The following MGAT1 variants were observed in gnomAD, a reference collection of about 807,000 sequenced individuals.
The protein encoded by MGAT1 is alpha-1,3-mannosyl-glycoprotein 2-beta-N-acetylglucosaminyltransferase, also known as N-glycosyl-oligosaccharide-glycoprotein N-acetylglucosaminyltransferase I.
A neutral mutation model predicts 31.7 loss-of-function variants in MGAT1; 14 were observed. That is an observed-to-expected ratio of 0.44 (90% CI 0.29 to 0.69). The LOEUF (loss-of-function observed/expected upper bound fraction) is 0.69, where lower values mean the gene tolerates loss of function less well. Among genes scored for constraint, MGAT1 ranks in the 30% least tolerant of loss-of-function variants. MGAT1 has a pLI of 0.12. For missense variants in MGAT1, 557 were observed against 626.0 expected (o/e 0.89, Z 1.18); for synonymous variants, 338 against 276.0 (o/e 1.22, Z -2.23).
intron 1 of MGAT1, chr5:180,795,302 C>CACAT (rs917298180): frequency 2.2e-4 from 33 of 148,612 alleles, no homozygotes; most frequent in Non-Finnish European, 3.4e-4. Context: ...TATATATACA[C>CACAT]ACACACACAT....
In MGAT1 at chr5:180,794,411, T is replaced by TTTTATATA. The variant is rs528893463; in HGVS notation, c.-126-1315_-126-1314insTATATAAA. Among the ~76,000 whole-genome samples, 19 of 142,016 alleles carry TTTTATATA rather than the reference T, an allele frequency of 1.3e-4. 1 individual carries two copies. The highest frequency in any genetic ancestry group is 4.8e-4 in the African/African-American group (17 of 35,506). 93.2% of individuals were successfully genotyped at this position (142,016 alleles called of 152,430 possible). A position where few individuals can be genotyped will look rare whatever the true frequency, so the allele number is the denominator to read the frequency against. On this transcript the variant is annotated intron_variant, in intron 1 of 1. Coordinates refer to ENST00000307826, the MANE Select transcript of MGAT1 (RefSeq NM_002406.4). The stretch of plus-strand genomic sequence containing the variant: ...TCTGTCTCAAAAAAATTTTTTTTTA[T>TTTTATATA]TATATATATATATATATGGCATACT...
chr5:180,805,103 G>T (rs1771656441), upstream of MGAT1, among the ~76,000 whole-genome samples: 1 of 152,160 alleles, frequency 6.6e-6, no homozygotes, highest in African/African-American at 2.4e-5. Flanking sequence ...CTTGATAGAG[G>T]TTACATGGGG....
At chr5:180,800,150 T>C (rs769977642) in intron 1 of MGAT1, among the ~76,000 whole-genome samples, 5 of 152,196 alleles carry the variant, frequency 3.3e-5, no homozygotes, top group Non-Finnish European at 5.9e-5. Context: ...CCTGAAGCAA[T>C]GAGAGAAACA....
rs59424661 is a variant in MGAT1, at chr5:180,797,816, T to G, written c.-126-4719A>C. Among the ~76,000 whole-genome samples the G allele has an allele frequency of 6.7e-3, 881 of 131,004 alleles. 42 individuals are homozygous for G. Among genetic ancestry groups the G allele is most frequent in the East Asian group, 0.019 (70 of 3,732 alleles). The allele number at this position is 131,004 out of a possible 152,430, so 85.9% of individuals were successfully genotyped here. ...TTGCTCCTGTTGCCATAAGAGGACATGACACCCCTAGTTCCAGCCCACCTC... is the reference window on the plus strand; with the variant it reads ...TTGCTCCTGTTGCCATAAGAGGACAGGACACCCCTAGTTCCAGCCCACCTC... On this transcript the variant is annotated intron_variant, in intron 1 of 1. Transcript: ENST00000307826.
At chr5:180,807,174 C>T (rs1330255151), upstream of MGAT1, among the ~76,000 whole-genome samples, 4 of 152,230 alleles carry the variant, frequency 2.6e-5, no homozygotes, top group Admixed American at 2.0e-4. Context: ...TTTCAGTTTG[C>T]AGATGACCTC....
upstream of MGAT1, among the ~76,000 whole-genome samples, chr5:180,805,627 G>A (rs1431168659): frequency 6.6e-6 from 1 of 152,106 alleles, no homozygotes; most frequent in East Asian, 1.9e-4. Flanking sequence ...GCATGCACCT[G>A]TAGTCCCAGC....
chr5:180,794,429 G>A (rs1768921615), intron 1 of MGAT1, among the ~76,000 whole-genome samples: 2 of 133,594 alleles, frequency 1.5e-5, no homozygotes, highest in African/African-American at 6.1e-5. Context: ...ATATATATAT[G>A]GCATACTACA....
chr5:180,792,620 C>T lies in MGAT1; in HGVS notation c.352G>A (p.Val118Ile). The T allele has an allele frequency of 6.2e-7, 1 of 1,604,620 alleles. No individual in the cohort carries two copies. Among genetic ancestry groups the T allele is most frequent in the Non-Finnish European group, 8.5e-7 (1 of 1,174,880 alleles). The part of the protein sequence containing the change: ...ILVIACDRST[V>I]RRCLDKLLHY... ...AGCAGCTTGTCCAGGCAGCGCCGAA[C>T]AGTGCTGCGGTCACAGGCGATGACC... Residue 118 changes from valine (V) to isoleucine (I), a missense_variant, in exon 2 of 2, where the codon GTT (valine) becomes ATT (isoleucine). Val to Ile is a conservative substitution (Grantham distance 29). Transcript: ENST00000307826.
chr5:180,792,159 C>T lies in MGAT1; in HGVS notation c.813G>A (p.Leu271=). 6.2e-7 allele frequency: 1 copy of T among 1,613,154 alleles called. No individual in the cohort carries two copies. Among genetic ancestry groups the T allele is most frequent in the African/African-American group, 1.3e-5 (1 of 75,070 alleles). ...TDFFPGLGWL[L]LAELWAELEP... ...CCAGCTCAGCCCAGAGCTCGGCCAA[C>T]AGCAGCCAGCCCAGGCCAGGGAAAA... The change falls in exon 2 of 2, where the codon CTG becomes CTA. Residue 271 remains leucine (L), a synonymous_variant. Coordinates refer to ENST00000307826, the MANE Select transcript of MGAT1 (RefSeq NM_002406.4).
chr5:180,791,169 A>C lies in MGAT1; in HGVS notation c.*465T>G. 1 of 162,280 alleles carries C rather than the reference A, an allele frequency of 6.2e-6. No homozygotes were observed. Among genetic ancestry groups the C allele is most frequent in the East Asian group, 1.8e-4 (1 of 5,520 alleles). The allele number at this position is 162,280 out of a possible 1,614,324, so 10.1% of individuals were successfully genotyped here. A position where few individuals can be genotyped will look rare whatever the true frequency, so the allele number is the denominator to read the frequency against. On this transcript the variant is annotated 3_prime_UTR_variant, in exon 2 of 2. Transcript: ENST00000307826. ...TGACAAGGAAGCCCCTTTGGTTAGT[A>C]TCATTTTGGCCACAAATATGTCCCC...
intron 1 of MGAT1, among the ~76,000 whole-genome samples, chr5:180,796,739 G>C (rs949255586): frequency 1.3e-5 from 2 of 151,962 alleles, no homozygotes; most frequent in African/African-American, 4.8e-5. Context: ...AGCCTCCCGA[G>C]TATCTGGGAT....
chr5:180,802,981 A>ACCCAGGACCCAAGTTTT (rs1270833764), upstream of MGAT1: 2 of 151,784 alleles, frequency 1.3e-5, no homozygotes, highest in Non-Finnish European at 2.9e-5. Context: ...TTCTCAGTCA[A>ACCCAGGACCCAAGTTTT]CCCAGGACCC....
intron 1 of MGAT1, among the ~76,000 whole-genome samples, chr5:180,799,587 A>G (rs1433614613): frequency 6.6e-6 from 1 of 152,242 alleles, no homozygotes; most frequent in Non-Finnish European, 1.5e-5. Flanking sequence ...TGCTTGGCAC[A>G]TGTATGAGGT....
Position 180,792,230 on chromosome 5 carries a change from G to T in MGAT1, c.742C>A (p.Gln248Lys), listed in dbSNP as rs759412303. 13 of 1,613,112 alleles carry T rather than the reference G, an allele frequency of 8.1e-6. No homozygotes were observed. In the South Asian group the frequency reaches 1.4e-4, roughly 18 times the overall value. The stretch of plus-strand genomic sequence containing the variant: ...TCAGGCCTGCTGGCGTCCACCATCT[G>T]CTCCTTGCCGTTGTCATTCCAGGCC... ...VSAWNDNGKE[Q>K]MVDASRPELL... The change falls in exon 2 of 2, where the codon CAG (glutamine) becomes AAG (lysine). Residue 248 changes from glutamine (Q) to lysine (K), a missense_variant. Transcript: ENST00000307826.
chr5:180,809,293 A>T (rs1772274444), intron 1 of MGAT1: 1 of 152,182 alleles, frequency 6.6e-6, no homozygotes, highest in Non-Finnish European at 1.5e-5. Context: ...TACATATATA[A>T]ACACATATAA....
In MGAT1 at chr5:180,792,561, G is replaced by A; in HGVS notation, c.411C>T (p.Ile137=). 2 of 1,612,666 alleles carry A rather than the reference G, an allele frequency of 1.2e-6. No homozygotes were observed. The highest frequency in any genetic ancestry group is 1.7e-6 in the Non-Finnish European group (2 of 1,179,758). Residue 137 remains isoleucine, a synonymous_variant, in exon 2 of 2, where the codon ATC becomes ATT. Coordinates refer to ENST00000307826, the MANE Select transcript of MGAT1 (RefSeq NM_002406.4). ...HYRPSAELFP[I]IVSQDCGHEE... ...CGTGCCCGCAGTCCTGGCTAACGAT[G>A]ATGGGGAAGAGCTCAGCCGAGGGCC...
chr5:180,802,237 C>G (rs1770937727), intron 1 of MGAT1, among the ~76,000 whole-genome samples: 2 of 152,094 alleles, frequency 1.3e-5, no homozygotes, highest in South Asian at 4.1e-4. Flanking sequence ...TTCTTGCCAA[C>G]TTATTATATA....
At chr5:180,804,441 G>A (rs149593823), upstream of MGAT1, among the ~76,000 whole-genome samples, 1 of 152,316 alleles carries the variant, frequency 6.6e-6, no homozygotes, top group South Asian at 2.1e-4. Context: ...GTGGGAGAAG[G>A]GCAGGCCCAC....
chr5:180,805,909 A>T (rs915057001), upstream of MGAT1, among the ~76,000 whole-genome samples: 1 of 152,192 alleles, frequency 6.6e-6, no homozygotes, highest in Non-Finnish European at 1.5e-5. Context: ...ATAATCACTA[A>T]ACAATGTCTG....
Sources: allele counts gnomAD v4.1 joint callset (sites outside exome capture counted in the v4.1 genomes callset), GRCh38; gene constraint gnomAD v4.1.1; transcripts MANE v1.5; gene names NCBI Gene and HGNC (gene_info 2026-07-23, HGNC 2026-07-21).